Variants in TRIM33 observed in about 807,000 individuals in gnomAD.
The protein encoded by TRIM33 is tripartite motif containing 33.
In TRIM33, 20 loss-of-function variants were observed where a neutral mutation model predicts 125.4. That is an observed-to-expected ratio of 0.16 (90% CI 0.11 to 0.23). The LOEUF (loss-of-function observed/expected upper bound fraction) is 0.23, where lower values mean the gene tolerates loss of function less well. Ranked by LOEUF, TRIM33 falls within the 10% of genes least tolerant of loss-of-function variation. The pLI, the probability that TRIM33 is intolerant of heterozygous loss-of-function variation, is 1.00. For synonymous variants in TRIM33, 564 were observed against 513.9 expected (o/e 1.10, Z -1.32); for missense variants, 920 against 1,411.4 (o/e 0.65, Z 5.58).
chr1:114,431,063 A>C, intron 5 of TRIM33, 151 bp from the exon 6 acceptor site: 1 of 591,822 alleles, frequency 1.7e-6, no homozygotes. Flanking sequence ...AGCAGACCTG[A>C]CCAATTTGGT....
intron 10 of TRIM33, among the ~76,000 whole-genome samples, 163 bp downstream of exon 10, chr1:114,424,428 T>C (rs1647413495): frequency 6.6e-6 from 1 of 152,196 alleles, no homozygotes; most frequent in Non-Finnish European, 1.5e-5. Context: ...TAAAATTAAA[T>C]ACAAAATCTC....
chr1:114,418,462 G>A (rs1302675603), intron 11 of TRIM33, among the ~76,000 whole-genome samples: 1 of 152,050 alleles, frequency 6.6e-6, no homozygotes, highest in Non-Finnish European at 1.5e-5. Flanking sequence ...TTATTCCTGG[G>A]CTTGAGACAA....
rs535770892 is a variant in TRIM33 at position 114,443,714 on chromosome 1, C to T, written c.924-9981G>A. 3.9e-5 allele frequency among the ~76,000 whole-genome samples: 6 copies of T among 152,100 alleles called. No homozygotes were observed. In the South Asian group the frequency reaches 1.2e-3, roughly 32 times the overall value. On this transcript the variant is annotated intron_variant, in intron 4 of 19. Transcript: ENST00000358465. ...CTAAAATTACTCTACTCTAACTATA[C>T]ACAAAACTGCAATAGGGTATAAAAA...
chr1:114,401,362 A>G (rs1394304981), intron 17 of TRIM33, 27 bp downstream of exon 17: 1 of 1,598,104 alleles, frequency 6.3e-7, no homozygotes, highest in South Asian at 1.1e-5. Context: ...AGACTTCCCC[A>G]CCGAGCTACT....
Position 114,510,771 on chromosome 1 carries a change from GGCTGGA to G in TRIM33, c.300_305del (p.Pro101_Ala102del). On this transcript the variant is annotated inframe_deletion, in exon 1 of 20. Coordinates refer to ENST00000358465, the MANE Select transcript of TRIM33 (RefSeq NM_015906.4). Reference sequence around the variant, plus strand: ...CCGAGGGACCCGGAGCGGGAGCCGAGGCTGGAGCTGGAGCCGGCGTCGATACTGCGC... The same window carrying G: ...CCGAGGGACCCGGAGCGGGAGCCGAGGCTGGAGCCGGCGTCGATACTGCGC... 6.6e-7 allele frequency: 1 copy of G among 1,521,888 alleles called. No individual in the cohort carries two copies. The highest frequency in any genetic ancestry group is 2.5e-5 in the East Asian group (1 of 39,990). 94.3% of individuals were successfully genotyped at this position (1,521,888 alleles called of 1,614,324 possible). A position where few individuals can be genotyped will look rare whatever the true frequency, so the allele number is the denominator to read the frequency against.
intron 1 of TRIM33, among the ~76,000 whole-genome samples, chr1:114,483,585 G>C (rs1398082937): frequency 2.0e-5 from 3 of 151,746 alleles, no homozygotes; most frequent in Non-Finnish European, 2.9e-5. Flanking sequence ...CTAATTTTTT[G>C]TATTTTTAGT....
intron 15 of TRIM33, chr1:114,404,835 T>C (rs1396599361): frequency 6.7e-6 from 1 of 148,922 alleles, no homozygotes; most frequent in African/African-American, 2.5e-5. Context: ...TTTCAATTTA[T>C]AGCAAGAAAA....
At chr1:114,441,168 G>C (rs1187142866) in intron 4 of TRIM33, among the ~76,000 whole-genome samples, 2 of 152,156 alleles carry the variant, frequency 1.3e-5, no homozygotes, top group Non-Finnish European at 2.9e-5. Flanking sequence ...AAATGACTGG[G>C]GGTGGTGGCA....
At chr1:114,408,983 C>G (rs762723554) in intron 12 of TRIM33, among the ~76,000 whole-genome samples, 8 of 152,232 alleles carry the variant, frequency 5.3e-5, no homozygotes, top group Non-Finnish European at 8.8e-5. Flanking sequence ...CAAAACAGAC[C>G]AAGAAAACGT....
intron 4 of TRIM33, among the ~76,000 whole-genome samples, chr1:114,436,166 G>A (rs1648277938): frequency 6.6e-6 from 1 of 151,486 alleles, no homozygotes; most frequent in Admixed American, 6.6e-5. Context: ...ACTTTGGAAG[G>A]CCGAGGCAGG....
chr1:114,495,553 A>G (rs1435768241), intron 1 of TRIM33, among the ~76,000 whole-genome samples: 1 of 151,960 alleles, frequency 6.6e-6, no homozygotes, highest in Non-Finnish European at 1.5e-5. Flanking sequence ...ACATAACAAA[A>G]TATGTTATTT....
At chr1:114,427,437 T>C (rs1403145096) in intron 7 of TRIM33, 143 bp from the exon 8 acceptor site, 2 of 579,374 alleles carry the variant, frequency 3.5e-6, no homozygotes, top group South Asian at 5.2e-5. Flanking sequence ...AAATTAGCAA[T>C]CAAATCAAAT....
Position 114,511,032 on chromosome 1 carries a change from C to A in TRIM33, c.45G>T (p.Gly15=). The part of the protein sequence containing the change: ...KGGGEAESGG[G]GSGSAPVTAG... Reference sequence around the variant, plus strand: ...CAGTTACCGGCGCGCTGCCGCTGCCCCCGCCGCCGCTCTCAGCCTCGCCGC... The same window carrying A: ...CAGTTACCGGCGCGCTGCCGCTGCCACCGCCGCCGCTCTCAGCCTCGCCGC... The change falls in exon 1 of 20, where the codon GGG becomes GGT. Residue 15 remains glycine (G), a synonymous_variant. Coordinates refer to ENST00000358465, the MANE Select transcript of TRIM33 (RefSeq NM_015906.4). 7.6e-7 allele frequency: 1 copy of A among 1,319,120 alleles called. No homozygotes were observed. The highest frequency in any genetic ancestry group is 1.8e-5 in the South Asian group (1 of 54,796). The allele number at this position is 1,319,120 out of a possible 1,614,324, so 81.7% of individuals were successfully genotyped here.
chr1:114,419,319 G>A (rs1400480138), intron 11 of TRIM33, among the ~76,000 whole-genome samples: 10 of 151,978 alleles, frequency 6.6e-5, no homozygotes, highest in Admixed American at 3.9e-4. Context: ...CCTGCGTGGC[G>A]TGAGTGGCCT....
At chr1:114,461,637 G>C (rs2101373262) in intron 4 of TRIM33, among the ~76,000 whole-genome samples, 1 of 152,182 alleles carries the variant, frequency 6.6e-6, no homozygotes, top group East Asian at 1.9e-4. Flanking sequence ...GAAAGGGAAG[G>C]ATAATGGTTA....
chr1:114,490,111 G>GAAA (rs1651970618), intron 1 of TRIM33, among the ~76,000 whole-genome samples: 51 of 115,506 alleles, frequency 4.4e-4, no homozygotes, highest in Middle Eastern at 4.8e-3. Context: ...AAAAGAAAAG[G>GAAA]AAAGGAAAGA....
At chr1:114,405,377 A>G in intron 15 of TRIM33, 33 bp downstream of exon 15, 1 of 1,518,888 alleles carries the variant, frequency 6.6e-7, no homozygotes, top group South Asian at 1.2e-5. Context: ...GCTTATGAAA[A>G]TCAACACCAA....
intron 3 of TRIM33, 81 bp from the exon 4 acceptor site, chr1:114,463,317 T>C: frequency 1.9e-6 from 3 of 1,554,398 alleles, no homozygotes; most frequent in Non-Finnish European, 2.6e-6. Context: ...GATGTTGCTA[T>C]CCAAAGTTTA....
At chr1:114,486,099 A>G (rs1183167474) in intron 1 of TRIM33, among the ~76,000 whole-genome samples, 1 of 151,576 alleles carries the variant, frequency 6.6e-6, no homozygotes, top group African/African-American at 2.4e-5. Context: ...ACACGGTGAA[A>G]CCCCCATCTC....
Sources: gnomAD v4.1 joint callset for allele counts (sites outside exome capture counted in the v4.1 genomes callset) on GRCh38, gnomAD v4.1.1 for gene constraint, MANE v1.5 for transcripts, NCBI Gene and HGNC (gene_info 2026-07-23, HGNC 2026-07-21) for gene names.